The following ADAMTS16 variants were observed in gnomAD, a reference collection of about 807,000 sequenced individuals.
ADAMTS16 encodes the protein A disintegrin and metalloproteinase with thrombospondin motifs 16.
A neutral mutation model predicts 145.8 loss-of-function variants in ADAMTS16; 94 were observed. The observed-to-expected ratio is 0.64, with a 90% CI of 0.55 to 0.77. The LOEUF (loss-of-function observed/expected upper bound fraction) is 0.77. Ranked by LOEUF, ADAMTS16 falls within the 30% of genes least tolerant of loss-of-function variation. The pLI is 0.00. For synonymous variants in ADAMTS16, 659 were observed against 604.3 expected (o/e 1.09, Z -1.33); for missense variants, 1,585 against 1,591.5 (o/e 1.00, Z 0.07).
chr5:5,156,938 G>A (rs1419906131), intron 3 of ADAMTS16, among the ~76,000 whole-genome samples: 1 of 152,170 alleles, frequency 6.6e-6, no homozygotes, highest in Non-Finnish European at 1.5e-5. Context: ...AGTGCCATGA[G>A]CCGCAGCAGT....
intron 20 of ADAMTS16, among the ~76,000 whole-genome samples, chr5:5,305,778 C>T (rs1224516950): frequency 2.6e-5 from 4 of 152,220 alleles, no homozygotes; most frequent in South Asian, 2.1e-4. Flanking sequence ...CAGCATCGTC[C>T]GCTCTACCCC....
chr5:5,314,856 G>A (rs1274829900), intron 21 of ADAMTS16, among the ~76,000 whole-genome samples: 1 of 152,158 alleles, frequency 6.6e-6, no homozygotes, highest in African/African-American at 2.4e-5. Flanking sequence ...CTGTGGCTGG[G>A]CCAAGAACCT....
intron 18 of ADAMTS16, among the ~76,000 whole-genome samples, chr5:5,295,859 C>T (rs1341804807): frequency 6.6e-6 from 1 of 152,182 alleles, no homozygotes; most frequent in Non-Finnish European, 1.5e-5. Context: ...TTGTGTGCTT[C>T]CATGTCAGGG....
At chr5:5,222,164 G>A (rs949522854) in intron 10 of ADAMTS16, among the ~76,000 whole-genome samples, 3 of 152,258 alleles carry the variant, frequency 2.0e-5, no homozygotes, top group East Asian at 3.9e-4. Context: ...TTCTGTATGC[G>A]CCAAATGGTG....
In ADAMTS16 at chr5:5,280,214, A is replaced by G. The variant is rs552568850; in HGVS notation, c.2789+17431A>G. Among the ~76,000 whole-genome samples, 33 of 152,220 alleles carry G rather than the reference A, an allele frequency of 2.2e-4. No homozygotes were observed. The South Asian group carries it at 6.4e-3, about 30-fold the overall frequency. ...ACTGAGTCACCAAGACTTTACTTAG[A>G]TGTTCTCAGTGTTGAGAGACTCCTT... On this transcript the variant is annotated intron_variant, in intron 18 of 22. Transcript: ENST00000274181.
At chr5:5,246,631 C>G (rs1417482943) in intron 17 of ADAMTS16, among the ~76,000 whole-genome samples, 1 of 152,166 alleles carries the variant, frequency 6.6e-6, no homozygotes, top group African/African-American at 2.4e-5. Context: ...GATTTCTTCT[C>G]TATCTGAATT....
Position 5,190,101 on chromosome 5 carries a change from C to T in ADAMTS16, c.1178C>T (p.Ser393Phe), listed in dbSNP as rs1483546697. 3 of 1,603,330 alleles carry T rather than the reference C, an allele frequency of 1.9e-6. No individual in the cohort carries two copies. The highest frequency in any genetic ancestry group is 2.6e-6 in the Non-Finnish European group (3 of 1,175,170). Residue 393 changes from serine (S) to phenylalanine (F), a missense_variant, in exon 7 of 23, where the codon TCC becomes TTC. By Grantham distance (155) the Ser-to-Phe change is radical. Transcript: ENST00000274181. Reference sequence around the variant, plus strand: ...TTACTGACTGGTCTGGATATATGTTCCTGGAAGAATGAGCCCTGTGACACT... The same window carrying T: ...TTACTGACTGGTCTGGATATATGTTTCTGGAAGAATGAGCCCTGTGACACT... ...AILLTGLDIC[S>F]WKNEPCDTLG...
At chr5:5,195,270 C>T (rs565773440) in intron 8 of ADAMTS16, among the ~76,000 whole-genome samples, 4 of 152,208 alleles carry the variant, frequency 2.6e-5, no homozygotes, top group African/African-American at 7.2e-5. Context: ...AATCACTTGA[C>T]ACAGGACATG....
At position 5,160,021 on chromosome 5, in the gene ADAMTS16, T is replaced by G. The variant is rs149592147; in HGVS notation, c.501+13566T>G. Among the ~76,000 whole-genome samples, 890 of 152,278 alleles carry G rather than the reference T, an allele frequency of 5.8e-3. 6 individuals are homozygous for G. Among genetic ancestry groups the G allele is most frequent in the Middle Eastern group, 0.01 (3 of 294 alleles). ...TTGCAGGTTATCATTAGGTAATAAA[T>G]AAAGAATGATGGATTGCAGCTACTA... On this transcript the variant is annotated intron_variant, in intron 3 of 22. Coordinates refer to ENST00000274181, the MANE Select transcript of ADAMTS16 (RefSeq NM_139056.4).
intron 20 of ADAMTS16, among the ~76,000 whole-genome samples, chr5:5,305,265 TC>T (rs1740054087): frequency 5.2e-5 from 1 of 19,132 alleles, no homozygotes; most frequent in Non-Finnish European, 9.6e-5. Context: ...ACACACACAA[TC>T]CCACACCACA....
At chr5:5,171,666 G>T (rs1735044981) in intron 3 of ADAMTS16, among the ~76,000 whole-genome samples, 1 of 152,036 alleles carries the variant, frequency 6.6e-6, no homozygotes, top group Non-Finnish European at 1.5e-5. Flanking sequence ...GTTGAATTTG[G>T]TTTGCTAATA....
At position 5,239,275 on chromosome 5, in the gene ADAMTS16, G is replaced by A. The variant is rs1737208734; in HGVS notation, c.2278+1G>A. 7 of 1,557,416 alleles carry A rather than the reference G, an allele frequency of 4.5e-6. No homozygotes were observed. The highest frequency in any genetic ancestry group is 2.3e-5 in the East Asian group (1 of 43,884). ...TACACCAAGCACCACCACACCAACC[G>A]TGAGTACTTTAGAGCTGCCTGCAAG... On this transcript the variant is annotated splice_donor_variant, in intron 15 of 22. Transcript: ENST00000274181. LOFTEE classifies it high-confidence loss of function.
intron 4 of ADAMTS16, 114 bp from the exon 5 acceptor site, chr5:5,185,938 G>A: frequency 1.2e-6 from 1 of 826,966 alleles, no homozygotes; most frequent in Non-Finnish European, 1.9e-6. Context: ...AAAGGTTTAT[G>A]TGGTTTTTAT....
intron 18 of ADAMTS16, among the ~76,000 whole-genome samples, chr5:5,264,880 T>G (rs1180012633): frequency 6.6e-6 from 1 of 152,152 alleles, no homozygotes; most frequent in Non-Finnish European, 1.5e-5. Context: ...CCTGTGGAGT[T>G]GATGGACACA....
At chr5:5,266,430 G>A (rs528626627) in intron 18 of ADAMTS16, among the ~76,000 whole-genome samples, 4 of 152,344 alleles carry the variant, frequency 2.6e-5, no homozygotes, top group East Asian at 3.9e-4. Flanking sequence ...CAAAAGCAAC[G>A]GCAGAGTGGA....
chr5:5,188,944 G>A (rs1380978897), intron 6 of ADAMTS16, among the ~76,000 whole-genome samples: 1 of 152,136 alleles, frequency 6.6e-6, no homozygotes, highest in Non-Finnish European at 1.5e-5. Context: ...CGAGGTTATC[G>A]TTTGATCGTA....
At chr5:5,179,015 G>C (rs1227114805) in intron 3 of ADAMTS16, among the ~76,000 whole-genome samples, 4 of 151,622 alleles carry the variant, frequency 2.6e-5, no homozygotes, top group Non-Finnish European at 5.9e-5. Context: ...AGATCATCAG[G>C]GCGAAGCATA....
chr5:5,270,162 C>T (rs767672174), intron 18 of ADAMTS16, among the ~76,000 whole-genome samples: 8 of 152,142 alleles, frequency 5.3e-5, no homozygotes, highest in African/African-American at 1.4e-4. Context: ...TGGATCTCCC[C>T]GTCCATCGCC....
chr5:5,182,153 T>C lies in ADAMTS16; in HGVS notation c.611T>C (p.Leu204Pro). ...AAQGSSPSHV[L>P]YKRSTEPHAP... ...CAAGGCAGCTCGCCATCCCACGTAC[T>C]GTACAAGAGATCCACAGAGCCCCAT... The change falls in exon 4 of 23, where the codon CTG becomes CCG. Residue 204 changes from leucine to proline, a missense_variant. Leu to Pro is a moderately conservative substitution (Grantham distance 98, BLOSUM62 -3). Transcript: ENST00000274181. The C allele has an allele frequency of 6.2e-7, 1 of 1,614,158 alleles. No homozygotes were observed. Among genetic ancestry groups the C allele is most frequent in the Non-Finnish European group, 8.5e-7 (1 of 1,180,026 alleles).
Sources: allele counts gnomAD v4.1 joint callset (sites outside exome capture counted in the v4.1 genomes callset), GRCh38; gene constraint gnomAD v4.1.1; transcripts MANE v1.5; gene names NCBI Gene and HGNC (gene_info 2026-07-23, HGNC 2026-07-21).